The following MDGA2 variants were observed in gnomAD, a reference collection of about 807,000 sequenced individuals.
MDGA2 encodes MAM domain-containing glycosylphosphatidylinositol anchor protein 2.
MDGA2 carries 40 observed loss-of-function variants against 117.8 expected under a neutral mutation model. The ratio of observed to expected loss-of-function variants is 0.34; its 90% CI spans 0.26 to 0.44. MDGA2 has a LOEUF of 0.44. Among genes scored for constraint, MDGA2 ranks in the 20% least tolerant of loss-of-function variants. The pLI, the probability that MDGA2 is intolerant of heterozygous loss-of-function variation, is 1.00. For synonymous variants in MDGA2, 452 were observed against 439.0 expected, an observed-to-expected ratio of 1.03 and a Z score of -0.37; for missense variants, 1,123 against 1,250.6, an observed-to-expected ratio of 0.90 and a Z score of 1.54.
At chr14:47,129,283 T>C (rs1882072165) in intron 5 of MDGA2, among the ~76,000 whole-genome samples, 1 of 145,754 alleles carries the variant, frequency 6.9e-6, no homozygotes, top group South Asian at 2.1e-4. Context: ...GATGTTCCCC[T>C]TCCTGTGTCC....
chr14:47,562,983 T>C (rs1448814888), intron 1 of MDGA2, among the ~76,000 whole-genome samples: 1 of 152,194 alleles, frequency 6.6e-6, no homozygotes, highest in East Asian at 1.9e-4. Flanking sequence ...CTTAATCTCA[T>C]TATTTACTCA....
intron 3 of MDGA2, among the ~76,000 whole-genome samples, chr14:47,207,704 G>C (rs1411506799): frequency 6.6e-6 from 1 of 151,954 alleles, no homozygotes; most frequent in Non-Finnish European, 1.5e-5. Flanking sequence ...ACAGCCATCT[G>C]GATGTCTTGA....
intron 8 of MDGA2, among the ~76,000 whole-genome samples, chr14:47,033,256 G>C (rs1002214081): frequency 6.6e-6 from 1 of 152,178 alleles, no homozygotes; most frequent in African/African-American, 2.4e-5. Flanking sequence ...ATTCTATGGA[G>C]AACAGAGATT....
At chr14:46,905,163 G>A (rs1883439990) in intron 10 of MDGA2, among the ~76,000 whole-genome samples, 1 of 152,096 alleles carries the variant, frequency 6.6e-6, no homozygotes, top group Non-Finnish European at 1.5e-5. Flanking sequence ...CATGAGATAA[G>A]TTAAGTCCTT....
intron 1 of MDGA2, among the ~76,000 whole-genome samples, chr14:47,360,924 C>G (rs572394807): frequency 6.6e-6 from 1 of 151,944 alleles, no homozygotes; most frequent in South Asian, 2.1e-4. Context: ...CAAGTAGTTA[C>G]CAGGGATGAT....
intron 6 of MDGA2, among the ~76,000 whole-genome samples, chr14:47,089,189 T>C (rs1173700238): frequency 6.6e-6 from 1 of 152,114 alleles, no homozygotes; most frequent in African/African-American, 2.4e-5. Flanking sequence ...AAAAGGACTA[T>C]TATCAGTTCA....
rs1221789268 is a variant in MDGA2 at position 47,144,096 on chromosome 14, A to G, written c.774T>C (p.Tyr258=). The change falls in exon 4 of 17, where the codon TAT becomes TAC. Residue 258 remains tyrosine (Y), a synonymous_variant. Transcript: ENST00000399232. The stretch of plus-strand genomic sequence containing the variant: ...TTCATACCTGGGTAAAGAATGGTTC[A>G]TAAATCTCAACTCCTTTATCAGATC... The part of the protein sequence containing the change: ...LQGSDKGVEI[Y]EPFFTQGETK... The G allele has an allele frequency of 6.5e-7, 1 of 1,549,826 alleles. No individual in the cohort carries two copies. The highest frequency in any genetic ancestry group is 8.7e-7 in the Non-Finnish European group (1 of 1,146,030).
At chr14:47,114,512 C>T (rs1478555253) in intron 5 of MDGA2, among the ~76,000 whole-genome samples, 1 of 152,086 alleles carries the variant, frequency 6.6e-6, no homozygotes, top group Non-Finnish European at 1.5e-5. Context: ...ACACTACCAA[C>T]TTCAAACTAT....
At chr14:47,546,232 G>A (rs1895460429) in intron 1 of MDGA2, among the ~76,000 whole-genome samples, 1 of 152,024 alleles carries the variant, frequency 6.6e-6, no homozygotes, top group South Asian at 2.1e-4. Context: ...TAGCTTAACA[G>A]GCATGAGAAT....
At chr14:47,353,936 A>G (rs1566751534) in intron 1 of MDGA2, among the ~76,000 whole-genome samples, 1 of 152,184 alleles carries the variant, frequency 6.6e-6, no homozygotes, top group East Asian at 1.9e-4. Flanking sequence ...TTCAACTGTA[A>G]ATTAAAAAGA....
At chr14:47,336,868 A>AT (rs1202425786) in intron 1 of MDGA2, among the ~76,000 whole-genome samples, 1 of 151,612 alleles carries the variant, frequency 6.6e-6, no homozygotes, top group Non-Finnish European at 1.5e-5. Context: ...CTTGTTCACC[A>AT]TTTTTTCCAC....
At position 47,301,305 on chromosome 14, in the gene MDGA2, A is replaced by C. The variant is rs1015779859; in HGVS notation, c.420+106T>G. On this transcript the variant is annotated intron_variant, in intron 2 of 16. Coordinates refer to ENST00000399232, the MANE Select transcript of MDGA2 (RefSeq NM_001113498.3). ...CACACCCACACCCACCCACACACAC[A>C]CACACACACACACACAGTTTTAGCT... The C allele has an allele frequency of 6.1e-6, 7 of 1,145,428 alleles. No homozygotes were observed. In the African/African-American group the frequency reaches 9.5e-5, roughly 15 times the overall value. The allele number at this position is 1,145,428 out of a possible 1,614,324, so 71.0% of individuals were successfully genotyped here. A position where few individuals can be genotyped will look rare whatever the true frequency, so the allele number is the denominator to read the frequency against.
chr14:47,083,419 G>T (rs1890779220), intron 6 of MDGA2, among the ~76,000 whole-genome samples: 1 of 151,866 alleles, frequency 6.6e-6, no homozygotes, highest in South Asian at 2.1e-4. Context: ...CCTGAAATAT[G>T]CAATTATACT....
intron 8 of MDGA2, among the ~76,000 whole-genome samples, chr14:47,017,673 TA>T (rs1054500615): frequency 2.2e-4 from 34 of 151,818 alleles, no homozygotes; most frequent in Non-Finnish European, 4.1e-4. Context: ...AAATACAGAT[TA>T]AAAAAAATTG....
intron 1 of MDGA2, among the ~76,000 whole-genome samples, chr14:47,392,005 T>C (rs1891905994): frequency 6.6e-6 from 1 of 152,074 alleles, no homozygotes; most frequent in Non-Finnish European, 1.5e-5. Context: ...GCTGTGCACA[T>C]CCCGGTAATT....
chr14:47,619,116 T>TATACACAC (rs140667074), intron 1 of MDGA2, among the ~76,000 whole-genome samples: 5,367 of 90,706 alleles, frequency 0.059, 158 homozygotes, highest in African/African-American at 0.13. Context: ...TCAGTTTAAT[T>TATACACAC]ACACACACAC....
intron 1 of MDGA2, among the ~76,000 whole-genome samples, chr14:47,596,396 T>G (rs1294006714): frequency 6.6e-6 from 1 of 152,200 alleles, no homozygotes. Context: ...CATTTCTGAC[T>G]CATTCTGGAA....
In MDGA2 at chr14:47,461,499, A is replaced by T. The variant is rs186547728; in HGVS notation, c.281-159949T>A. On this transcript the variant is annotated intron_variant, in intron 1 of 16. Coordinates refer to ENST00000399232, the MANE Select transcript of MDGA2 (RefSeq NM_001113498.3). ...ACTAACAGAATAGCACTGTGAAAAAATGGAAGCAATTTAAATTTTCTGTAG... is the reference window on the plus strand; with the variant it reads ...ACTAACAGAATAGCACTGTGAAAAATTGGAAGCAATTTAAATTTTCTGTAG... 2.2e-4 allele frequency among the ~76,000 whole-genome samples: 34 copies of T among 152,252 alleles called. No individual in the cohort carries two copies. The East Asian group carries it at 6.2e-3, about 28-fold the overall frequency.
At chr14:47,313,637 A>G (rs1455782912) in intron 1 of MDGA2, among the ~76,000 whole-genome samples, 1 of 152,152 alleles carries the variant, frequency 6.6e-6, no homozygotes, top group Non-Finnish European at 1.5e-5. Context: ...TACATGTTCA[A>G]TGTTGTTCTA....
Sources: allele counts gnomAD v4.1 joint callset (sites outside exome capture counted in the v4.1 genomes callset), GRCh38; gene constraint gnomAD v4.1.1; transcripts MANE v1.5; gene names NCBI Gene and HGNC (gene_info 2026-07-23, HGNC 2026-07-21).